Variants in ITIH5 observed in about 807,000 individuals in gnomAD.
ITIH5 encodes the protein inter-alpha-trypsin inhibitor heavy chain 5.
ITIH5 carries 65 observed loss-of-function variants against 77.5 expected under a neutral mutation model. The ratio of observed to expected loss-of-function variants is 0.84; its 90% CI spans 0.69 to 1.03. The LOEUF (loss-of-function observed/expected upper bound fraction) is 1.03, where lower values mean the gene tolerates loss of function less well. Among genes scored for constraint, ITIH5 ranks in the 50% least tolerant of loss-of-function variants. The pLI, the probability that ITIH5 is intolerant of heterozygous loss-of-function variation, is 0.00. For synonymous variants in ITIH5, 525 were observed against 494.3 expected (o/e 1.06, Z -0.82); for missense variants, 1,208 against 1,213.1 (o/e 1.00, Z 0.06).
rs1833855400 is a variant in ITIH5 at position 7,639,893 on chromosome 10, G to A, written c.401+861C>T. Among the ~76,000 whole-genome samples, 3 of 152,236 alleles carry A rather than the reference G, an allele frequency of 2.0e-5. No individual in the cohort carries two copies. In the Middle Eastern group the frequency reaches 0.01, roughly 518 times the overall value. ...CATGAAATGAGAAAGGAGAGAGACA[G>A]TGGAGGTTAGGAGAGGGAATATAAT... On this transcript the variant is annotated intron_variant, in intron 4 of 13. Coordinates refer to ENST00000397146, the MANE Select transcript of ITIH5 (RefSeq NM_030569.7).
At chr10:7,634,811 AC>A (rs1167694054) in intron 5 of ITIH5, among the ~76,000 whole-genome samples, 1 of 152,072 alleles carries the variant, frequency 6.6e-6, no homozygotes, top group African/African-American at 2.4e-5. Context: ...CAGATACTCT[AC>A]CCTCCTTACG....
chr10:7,561,146 TTATG>T lies in ITIH5; in HGVS notation c.*1933_*1936del, dbSNP rs371498216. 59 of 152,368 alleles carry T rather than the reference TTATG, an allele frequency of 3.9e-4. No individual in the cohort carries two copies. Among genetic ancestry groups the T allele is most frequent in the African/African-American group, 1.3e-3 (56 of 41,590 alleles). 9.4% of individuals were successfully genotyped at this position (152,368 alleles called of 1,614,324 possible). A position where few individuals can be genotyped will look rare whatever the true frequency, so the allele number is the denominator to read the frequency against. ...AAAAATGAAAGCTCAACTTTGTTAC[TTATG>T]TTTTTCTGAGCAAGCAAGTTAGCTA... is the stretch of plus-strand genomic sequence containing the variant. On this transcript the variant is annotated 3_prime_UTR_variant, in exon 14 of 14. Transcript: ENST00000397146.
chr10:7,628,970 AGCATGTGTCCGTGTTGTG>A (rs1833649056), intron 5 of ITIH5, among the ~76,000 whole-genome samples: 1 of 123,234 alleles, frequency 8.1e-6, no homozygotes, highest in African/African-American at 3.0e-5. Flanking sequence ...TCCGTGTTGT[AGCATGTGTCCGTGTTGTG>A]GCATGCATCC....
chr10:7,566,804 A>G (rs1379429361), intron 12 of ITIH5, among the ~76,000 whole-genome samples: 1 of 14,220 alleles, frequency 7.0e-5, no homozygotes, highest in Non-Finnish European at 1.1e-4. Flanking sequence ...GAAGAAGAGG[A>G]AGAGGAAGAG....
intron 12 of ITIH5, among the ~76,000 whole-genome samples, chr10:7,569,010 CTTTTTTT>C (rs5782983): frequency 2.8e-5 from 2 of 71,602 alleles, no homozygotes; most frequent in African/African-American, 9.9e-5. Context: ...TTTTCTTTTT[CTTTTTTT>C]TTTTTTTTTT....
At chr10:7,644,637 T>G (rs1833959563) in intron 2 of ITIH5, among the ~76,000 whole-genome samples, 1 of 82,256 alleles carries the variant, frequency 1.2e-5, no homozygotes, top group South Asian at 4.7e-4. Context: ...ATATATCACA[T>G]ATATATCATA....
chr10:7,614,986 G>A (rs1956377317), intron 7 of ITIH5, among the ~76,000 whole-genome samples: 1 of 152,196 alleles, frequency 6.6e-6, no homozygotes, highest in South Asian at 2.1e-4. Flanking sequence ...GGTGGCTGAT[G>A]TCTGTAATCC....
intron 7 of ITIH5, among the ~76,000 whole-genome samples, chr10:7,614,067 T>G (rs1482577972): frequency 4.6e-5 from 7 of 152,202 alleles, no homozygotes; most frequent in Non-Finnish European, 5.9e-5. Context: ...TGACTGCCAG[T>G]GTAGAATACC....
intron 2 of ITIH5, among the ~76,000 whole-genome samples, chr10:7,650,619 C>T (rs1445884155): frequency 6.6e-6 from 1 of 151,776 alleles, no homozygotes; most frequent in Admixed American, 6.6e-5. Flanking sequence ...GCCCATAATC[C>T]CAGCTACTCA....
intron 12 of ITIH5, among the ~76,000 whole-genome samples, chr10:7,566,838 GGAAGAGGAAGAAGAA>G (rs1564232644): frequency 8.8e-3 from 105 of 11,960 alleles, no homozygotes; most frequent in Middle Eastern, 0.042. Context: ...AAGAGGAAGA[GGAAGAGGAAGAAGAA>G]GAAGAAGAAG....
chr10:7,666,009 A>T (rs1008776206), intron 1 of ITIH5, among the ~76,000 whole-genome samples: 1 of 152,180 alleles, frequency 6.6e-6, no homozygotes, highest in African/African-American at 2.4e-5. Context: ...TCTTCCTCCC[A>T]CCGTGCACAA....
At chr10:7,661,510 G>A (rs1166791398) in intron 1 of ITIH5, among the ~76,000 whole-genome samples, 1 of 152,110 alleles carries the variant, frequency 6.6e-6, no homozygotes, top group African/African-American at 2.4e-5. Context: ...GGCTGAGAAC[G>A]GTTAGTCTGA....
intron 4 of ITIH5, among the ~76,000 whole-genome samples, chr10:7,638,473 A>G (rs989415717): frequency 1.3e-5 from 2 of 152,254 alleles, no homozygotes; most frequent in African/African-American, 2.4e-5. Flanking sequence ...TGGTCCCATT[A>G]GATGTATCAT....
chr10:7,566,461 G>A, intron 12 of ITIH5, 54 bp from the exon 13 acceptor site: 1 of 1,517,718 alleles, frequency 6.6e-7, no homozygotes, highest in Non-Finnish European at 9.0e-7. Context: ...AGGAGTGGTG[G>A]CTCACACCTG....
At chr10:7,585,070 G>T (rs1832645591) in intron 8 of ITIH5, among the ~76,000 whole-genome samples, 1 of 152,134 alleles carries the variant, frequency 6.6e-6, no homozygotes. Flanking sequence ...AGAGTGTTTT[G>T]TATGTTTCCA....
chr10:7,572,322 T>C (rs548232385), intron 11 of ITIH5: 1 of 1,367,500 alleles, frequency 7.3e-7, no homozygotes, highest in South Asian at 1.1e-5. Flanking sequence ...TGAATTTTTA[T>C]TATAGTTCCA....
intron 2 of ITIH5, among the ~76,000 whole-genome samples, chr10:7,644,513 ATAT>A (rs1833947564): frequency 3.7e-5 from 2 of 53,660 alleles, no homozygotes; most frequent in African/African-American, 1.7e-4. Flanking sequence ...TATATATGAT[ATAT>A]ATCACATATA....
chr10:7,564,051 C>T (rs1035819217), intron 13 of ITIH5, among the ~76,000 whole-genome samples: 5 of 152,254 alleles, frequency 3.3e-5, no homozygotes, highest in East Asian at 3.8e-4. Flanking sequence ...TAGAATGGCC[C>T]GCCTGCTGGG....
At chr10:7,575,117 G>A (rs1370757731) in intron 10 of ITIH5, among the ~76,000 whole-genome samples, 1 of 152,200 alleles carries the variant, frequency 6.6e-6, no homozygotes, top group Admixed American at 6.5e-5. Flanking sequence ...ATCAGGGTCC[G>A]AACTTTTCAA....
Sources: allele counts gnomAD v4.1 joint callset (sites outside exome capture counted in the v4.1 genomes callset), GRCh38; gene constraint gnomAD v4.1.1; transcripts MANE v1.5; gene names NCBI Gene and HGNC (gene_info 2026-07-23, HGNC 2026-07-21).